The following FAM178B variants were observed in gnomAD, a reference collection of about 807,000 sequenced individuals.
The protein encoded by FAM178B is protein FAM178B.
FAM178B carries 82 observed loss-of-function variants against 91.7 expected under a neutral mutation model. The observed-to-expected ratio is 0.89, with a 90% confidence interval of 0.75 to 1.07. The LOEUF (loss-of-function observed/expected upper bound fraction) is 1.07. Among genes scored for constraint, FAM178B ranks in the 50% least tolerant of loss-of-function variants. FAM178B has a pLI of 0.00. For synonymous variants in FAM178B, 368 were observed against 359.4 expected (o/e 1.02, Z -0.27); for missense variants, 769 against 846.7 (o/e 0.91, Z 1.14).
intron 14 of FAM178B, among the ~76,000 whole-genome samples, chr2:96,889,784 T>C (rs1365995565): frequency 1.3e-5 from 2 of 151,410 alleles, no homozygotes; most frequent in Admixed American, 1.3e-4. Flanking sequence ...GGAAGTGTGG[T>C]AACGAGGAGT....
chr2:96,913,519 G>A (rs750526650), intron 12 of FAM178B, among the ~76,000 whole-genome samples: 1 of 152,206 alleles, frequency 6.6e-6, no homozygotes, highest in Non-Finnish European at 1.5e-5. Context: ...AACAAAATGG[G>A]AGGGAAACGA....
In FAM178B at chr2:96,971,957, G is replaced by A; in HGVS notation, c.508C>T (p.Pro170Ser). 6.4e-7 allele frequency: 1 copy of A among 1,552,320 alleles called. No individual in the cohort carries two copies. The highest frequency in any genetic ancestry group is 1.2e-5 in the South Asian group (1 of 82,874). Residue 170 changes from proline to serine, a missense_variant, in exon 3 of 17, where the codon CCA (proline) becomes TCA (serine). Pro to Ser is a moderately conservative substitution (Grantham distance 74, BLOSUM62 -1). Coordinates refer to ENST00000490605, the MANE Select transcript of FAM178B (RefSeq NM_001122646.3). ...GACGTGTTCCAGAACAGCTTCTCTG[G>A]CAAGGCCAGGCCCCTCTTCGGGTCC... ...DLDPKRGLAL[P>S]EKLFWNTSGL...
intron 12 of FAM178B, among the ~76,000 whole-genome samples, chr2:96,908,787 TACCA>T (rs201071383): frequency 0.057 from 8,676 of 152,166 alleles, 823 homozygotes; most frequent in African/African-American, 0.2. Context: ...TGAACAATCA[TACCA>T]ACTTCCATTC....
At chr2:96,944,035 G>C (rs1233702228) in intron 8 of FAM178B, among the ~76,000 whole-genome samples, 1 of 152,080 alleles carries the variant, frequency 6.6e-6, no homozygotes, top group African/African-American at 2.4e-5. Context: ...CTGAGGCCAG[G>C]AGTTCGAGAC....
At position 96,894,520 on chromosome 2, in the gene FAM178B, A is replaced by AC. The variant is rs1348308248; in HGVS notation, c.1651-470dup. ...CACCCACCCACCCACATACACACAG[A>AC]CCCCCCCACACATACCCACTCATAT... On this transcript the variant is annotated intron_variant, in intron 13 of 16. Transcript: ENST00000490605. 1.2e-3 allele frequency among the ~76,000 whole-genome samples: 61 copies of AC among 48,892 alleles called. 1 individual carries two copies. Among genetic ancestry groups the AC allele is most frequent in the African/African-American group, 5.0e-3 (57 of 11,414 alleles). 32.1% of individuals were successfully genotyped at this position (48,892 alleles called of 152,430 possible).
At chr2:96,954,026 G>A (rs916175244) in intron 6 of FAM178B, among the ~76,000 whole-genome samples, 7 of 152,232 alleles carry the variant, frequency 4.6e-5, no homozygotes, top group South Asian at 2.1e-4. Flanking sequence ...TCAGAGTCAC[G>A]TCCCCACATC....
At chr2:96,896,017 C>T (rs868245950) in intron 13 of FAM178B, among the ~76,000 whole-genome samples, 4 of 152,350 alleles carry the variant, frequency 2.6e-5, no homozygotes, top group Middle Eastern at 3.4e-3. Flanking sequence ...TCTGGGGCTT[C>T]ACCCAAACCA....
At chr2:96,958,697 TAAAAAAAAAAAAAAAAA>T (rs55924441) in intron 6 of FAM178B, among the ~76,000 whole-genome samples, 175 of 55,512 alleles carry the variant, frequency 3.2e-3, no homozygotes, top group South Asian at 0.021. Context: ...CTCAAAATAC[TAAAAAAAAAAAAAAAAA>T]AAAAAAAAAA....
chr2:96,884,645 C>T (rs2080472379), intron 14 of FAM178B, among the ~76,000 whole-genome samples: 1 of 152,190 alleles, frequency 6.6e-6, no homozygotes, highest in Non-Finnish European at 1.5e-5. Context: ...TTCCTAGCTA[C>T]GTGCCTTCTG....
At chr2:96,893,396 G>T (rs965451609) in intron 14 of FAM178B, among the ~76,000 whole-genome samples, 6 of 152,058 alleles carry the variant, frequency 3.9e-5, no homozygotes, top group Non-Finnish European at 8.8e-5. Context: ...CCAGAACTTG[G>T]CTTTCAGGAA....
chr2:96,901,960 G>A (rs948520532), intron 13 of FAM178B, among the ~76,000 whole-genome samples: 7 of 152,086 alleles, frequency 4.6e-5, no homozygotes, highest in African/African-American at 1.7e-4. Flanking sequence ...ACCATGCCCA[G>A]CTAGTTTTTG....
intron 16 of FAM178B, 129 bp downstream of exon 16, chr2:96,877,761 G>T: frequency 1.1e-6 from 1 of 898,688 alleles, no homozygotes; most frequent in East Asian, 2.7e-5. Flanking sequence ...TCCCCCACAT[G>T]CCCACTCCAC....
chr2:96,903,738 G>A (rs1416661282), intron 12 of FAM178B, among the ~76,000 whole-genome samples: 1 of 152,218 alleles, frequency 6.6e-6, no homozygotes, highest in Admixed American at 6.5e-5. Flanking sequence ...CCTGGCCCCT[G>A]GACCTCTCAC....
intron 4 of FAM178B, among the ~76,000 whole-genome samples, chr2:96,968,693 G>GC (rs66589843): frequency 0.81 from 122,274 of 151,692 alleles, 50,619 homozygotes; most frequent in Non-Finnish European, 0.88. Flanking sequence ...CTGGCTGTGA[G>GC]CCCGTCCCAG....
chr2:96,919,707 C>T (rs2081300800), intron 12 of FAM178B, among the ~76,000 whole-genome samples: 1 of 152,158 alleles, frequency 6.6e-6, no homozygotes, highest in Non-Finnish European at 1.5e-5. Flanking sequence ...TGCTGGGCTG[C>T]AGGCAGCCTC....
intron 6 of FAM178B, among the ~76,000 whole-genome samples, chr2:96,952,739 ATTTTGT>A (rs1332110888): frequency 6.6e-6 from 1 of 152,104 alleles, no homozygotes; most frequent in Non-Finnish European, 1.5e-5. Context: ...CGTCCTGCGC[ATTTTGT>A]GACCACCATC....
At chr2:96,962,441 AAAAG>A (rs35231972) in intron 5 of FAM178B, among the ~76,000 whole-genome samples, 2,630 of 17,612 alleles carry the variant, frequency 0.15, 73 homozygotes, top group African/African-American at 0.34. Flanking sequence ...GAAAAAAAAA[AAAAG>A]AAAGAAAGAA....
At position 96,968,308 on chromosome 2, in the gene FAM178B, G is replaced by A. The variant is rs117118959; in HGVS notation, c.627-681C>T. On this transcript the variant is annotated intron_variant, in intron 4 of 16. Coordinates refer to ENST00000490605, the MANE Select transcript of FAM178B (RefSeq NM_001122646.3). ...TGTTTTCCGCCACCAGCCCCTGCGC[G>A]CCTCACTTCAACTGGCCCCCACAAT... Among the ~76,000 whole-genome samples, 38 of 151,964 alleles carry A rather than the reference G, an allele frequency of 2.5e-4. 2 individuals are homozygous for A. In the East Asian group the frequency reaches 6.4e-3, roughly 26 times the overall value.
rs1224308983 is a variant in FAM178B, at chr2:96,951,419, A to C, written c.953T>G (p.Met318Arg). The change falls in exon 7 of 17, where the codon ATG (methionine) becomes AGG (arginine). Residue 318 changes from methionine (M) to arginine (R), a missense_variant. Physicochemically the swap from Met to Arg is moderately conservative, Grantham distance 91. Coordinates refer to ENST00000490605, the MANE Select transcript of FAM178B (RefSeq NM_001122646.3). Reference protein sequence around the residue: ...SGLLNILYLHMPDCPVSLLQW... With the variant: ...SGLLNILYLHRPDCPVSLLQW... ...GAGCAGGGATACCGGGCAGTCAGGC[A>C]TGTGCAGGTAGAGGATGTTCAGGAG... 2 of 1,551,578 alleles carry C rather than the reference A, an allele frequency of 1.3e-6. No individual in the cohort carries two copies.
Sources: gnomAD v4.1 joint callset for allele counts (sites outside exome capture counted in the v4.1 genomes callset) on GRCh38, gnomAD v4.1.1 for gene constraint, MANE v1.5 for transcripts, NCBI Gene and HGNC (gene_info 2026-07-23, HGNC 2026-07-21) for gene names.